CNGA3: variants seen among roughly 807,000 people sequenced by gnomAD.
CNGA3 encodes cyclic nucleotide gated channel subunit alpha 3.
In CNGA3, 42 loss-of-function variants were observed where a neutral mutation model predicts 46.6. That is an observed-to-expected ratio of 0.90 (90% confidence interval 0.70 to 1.17). The LOEUF is 1.17. Among genes scored for constraint, CNGA3 ranks in the 50% most tolerant of loss-of-function variants. CNGA3 has a pLI of 0.00. For synonymous variants in CNGA3, 394 were observed against 369.4 expected (o/e 1.07, Z -0.76); for missense variants, 893 against 890.7 (o/e 1.00, Z -0.03).
intron 1 of CNGA3, among the ~76,000 whole-genome samples, chr2:98,351,922 T>G (rs1413219585): frequency 6.6e-6 from 1 of 152,202 alleles, no homozygotes; most frequent in South Asian, 2.1e-4. Context: ...TTTAGTATAT[T>G]TATAGTTGTG....
chr2:98,377,672 T>C lies in CNGA3; in HGVS notation c.102-15T>C. On this transcript the variant is annotated splice_polypyrimidine_tract_variant and intron_variant, in intron 2 of 7. Transcript: ENST00000272602. ...CTTGAAATCAATTCTGCTTGCTGCA[T>C]ATCTGATTTCCTAGAGCCCACTCGT... 1.2e-6 allele frequency: 2 copies of C among 1,607,794 alleles called. No individual in the cohort carries two copies. The highest frequency in any genetic ancestry group is 2.7e-5 in the African/African-American group (2 of 74,946).
chr2:98,360,787 C>A (rs983676531), intron 1 of CNGA3, among the ~76,000 whole-genome samples: 1 of 152,168 alleles, frequency 6.6e-6, no homozygotes, highest in African/African-American at 2.4e-5. Context: ...GGACCTCACA[C>A]GTTCTTTGGA....
At chr2:98,395,378 C>T (rs1287884340) in intron 7 of CNGA3, among the ~76,000 whole-genome samples, 1 of 152,162 alleles carries the variant, frequency 6.6e-6, no homozygotes, top group Non-Finnish European at 1.5e-5. Flanking sequence ...CCATGTTGCC[C>T]AGGCTGGTCT....
At chr2:98,358,970 T>C (rs1384342828) in intron 1 of CNGA3, among the ~76,000 whole-genome samples, 1 of 152,218 alleles carries the variant, frequency 6.6e-6, no homozygotes, top group Non-Finnish European at 1.5e-5. Context: ...TTAGCAGTGA[T>C]ACCCACTCCC....
intron 1 of CNGA3, among the ~76,000 whole-genome samples, chr2:98,367,303 T>C (rs1410837055): frequency 6.6e-6 from 1 of 151,046 alleles, no homozygotes; most frequent in East Asian, 2.0e-4. Flanking sequence ...CACACCATTC[T>C]CCTGCCTCAG....
At chr2:98,358,863 G>A (rs1291450376) in intron 1 of CNGA3, among the ~76,000 whole-genome samples, 2 of 152,162 alleles carry the variant, frequency 1.3e-5, no homozygotes. Flanking sequence ...AGAATTAAAA[G>A]GGAAACTTGG....
At chr2:98,380,764 G>A (rs1336385432) in intron 4 of CNGA3, among the ~76,000 whole-genome samples, 8 of 152,328 alleles carry the variant, frequency 5.3e-5, no homozygotes, top group African/African-American at 1.9e-4. Flanking sequence ...TATAGCAGGA[G>A]CCTTGGGGGG....
chr2:98,384,491 C>T (rs1692610607), intron 5 of CNGA3, among the ~76,000 whole-genome samples: 1 of 152,124 alleles, frequency 6.6e-6, no homozygotes, highest in Admixed American at 6.5e-5. Context: ...CTCTTTGTTC[C>T]TCAGCTAGAA....
intron 2 of CNGA3, among the ~76,000 whole-genome samples, chr2:98,372,389 A>C (rs1002891499): frequency 2.0e-5 from 3 of 152,214 alleles, no homozygotes; most frequent in African/African-American, 7.2e-5. Flanking sequence ...ATGCACACTG[A>C]CAAGGGTCAC....
At chr2:98,389,874 G>A in intron 6 of CNGA3, 100 bp downstream of exon 6, 1 of 849,768 alleles carries the variant, frequency 1.2e-6, no homozygotes, top group Non-Finnish European at 1.9e-6. Flanking sequence ...CTGAGGCCTG[G>A]ACCCCTCACG....
At chr2:98,370,942 A>G (rs1692271763) in intron 2 of CNGA3, among the ~76,000 whole-genome samples, 3 of 152,260 alleles carry the variant, frequency 2.0e-5, no homozygotes, top group East Asian at 3.9e-4. Flanking sequence ...CTCCTGCCTC[A>G]GCCTCTCTAG....
At chr2:98,349,940 G>T (rs1558800783) in intron 1 of CNGA3, among the ~76,000 whole-genome samples, 1 of 152,158 alleles carries the variant, frequency 6.6e-6, no homozygotes, top group African/African-American at 2.4e-5. Flanking sequence ...GGGAGGAAGA[G>T]CATGCTTGAC....
chr2:98,361,350 G>A (rs899747580), intron 1 of CNGA3, among the ~76,000 whole-genome samples: 1 of 152,134 alleles, frequency 6.6e-6, no homozygotes, highest in African/African-American at 2.4e-5. Context: ...TCCCTGCAAA[G>A]GACATGATCT....
chr2:98,383,519 C>G (rs1692583756), intron 5 of CNGA3, 78 bp downstream of exon 5: 1 of 1,281,590 alleles, frequency 7.8e-7, no homozygotes, highest in African/African-American at 1.5e-5. Flanking sequence ...CTTGGCCTCT[C>G]TCCTTAGTGC....
rs1403072913 is a variant in CNGA3, at chr2:98,354,470, TAA to T, written c.-38+7937_-38+7938del. 2.6e-5 allele frequency among the ~76,000 whole-genome samples: 4 copies of T among 152,352 alleles called. No homozygotes were observed. The East Asian group carries it at 7.7e-4, about 29-fold the overall frequency. On this transcript the variant is annotated intron_variant, in intron 1 of 7. Coordinates refer to ENST00000272602, the MANE Select transcript of CNGA3 (RefSeq NM_001298.3). Reference sequence around the variant, plus strand: ...TTATTTGACTTTTGTTATTGAGTTATAAGAGTTCTTTATATCTTGTGGATATA... The same window carrying T: ...TTATTTGACTTTTGTTATTGAGTTATGAGTTCTTTATATCTTGTGGATATA...
chr2:98,357,545 A>T (rs1347775848), intron 1 of CNGA3, among the ~76,000 whole-genome samples: 1 of 152,120 alleles, frequency 6.6e-6, no homozygotes, highest in Non-Finnish European at 1.5e-5. Flanking sequence ...TGTTTTCCCC[A>T]TGCAAATGTT....
At chr2:98,383,566 T>C in intron 5 of CNGA3, 125 bp downstream of exon 5, 1 of 921,484 alleles carries the variant, frequency 1.1e-6, no homozygotes, top group South Asian at 1.4e-5. Context: ...GTAGAATATT[T>C]TAGAATCCTG....
At chr2:98,392,116 G>A (rs1692804562) in intron 7 of CNGA3, 146 bp downstream of exon 7, 3 of 719,560 alleles carry the variant, frequency 4.2e-6, no homozygotes, top group Admixed American at 4.1e-5. Context: ...GGTAGGTGGT[G>A]CGGCCTCAAG....
intron 1 of CNGA3, among the ~76,000 whole-genome samples, chr2:98,364,975 G>A (rs1692112735): frequency 6.6e-6 from 1 of 152,050 alleles, no homozygotes; most frequent in Non-Finnish European, 1.5e-5. Context: ...TCTGGGGAGA[G>A]GTCCACTGTT....
Sources: allele counts gnomAD v4.1 joint callset (sites outside exome capture counted in the v4.1 genomes callset), GRCh38; gene constraint gnomAD v4.1.1; transcripts MANE v1.5; gene names NCBI Gene and HGNC (gene_info 2026-07-23, HGNC 2026-07-21).